Variants in PRKCA observed in about 807,000 individuals in gnomAD.
PRKCA encodes the protein protein kinase C alpha.
A neutral mutation model predicts 87.0 loss-of-function variants in PRKCA; 27 were observed. The ratio of observed to expected loss-of-function variants is 0.31; its 90% confidence interval spans 0.23 to 0.43. PRKCA has a LOEUF of 0.43. Ranked by LOEUF, PRKCA falls within the 20% of genes least tolerant of loss-of-function variation. The pLI is 1.00. For synonymous variants in PRKCA, 329 were observed against 311.1 expected (o/e 1.06, Z -0.61); for missense variants, 518 against 852.3 (o/e 0.61, Z 4.88).
chr17:66,327,439 G>A, intron 2 of PRKCA, among the ~76,000 whole-genome samples: 1 of 151,910 alleles, frequency 6.6e-6, no homozygotes, highest in South Asian at 2.1e-4. Context: ...GGGAGACTGA[G>A]GCACGAGAAT....
intron 13 of PRKCA, among the ~76,000 whole-genome samples, chr17:66,765,904 G>A (rs1033912077): frequency 4.6e-5 from 7 of 152,134 alleles, no homozygotes; most frequent in Admixed American, 1.3e-4. Context: ...AATTTGCAGC[G>A]GTGAGGTTGT....
chr17:66,372,778 C>T (rs1044587034), intron 2 of PRKCA, among the ~76,000 whole-genome samples: 3 of 152,168 alleles, frequency 2.0e-5, no homozygotes, highest in African/African-American at 7.2e-5. Context: ...GGCAACAGGC[C>T]AGGCGCAGTG....
chr17:66,571,630 C>T (rs1387197853), intron 3 of PRKCA, among the ~76,000 whole-genome samples: 3 of 151,982 alleles, frequency 2.0e-5, no homozygotes, highest in Admixed American at 1.3e-4. Flanking sequence ...AACAACCTTC[C>T]TCAATCAATG....
At chr17:66,785,503 C>T (rs532583717) in intron 14 of PRKCA, among the ~76,000 whole-genome samples, 109 of 152,160 alleles carry the variant, frequency 7.2e-4, no homozygotes, top group Non-Finnish European at 1.2e-3. Context: ...CTTGCTCTGC[C>T]TTTCTGACGC....
At chr17:66,768,521 C>G (rs1974860880) in intron 13 of PRKCA, among the ~76,000 whole-genome samples, 1 of 152,180 alleles carries the variant, frequency 6.6e-6, no homozygotes, top group African/African-American at 2.4e-5. Flanking sequence ...AAAGAACTAC[C>G]TGATACTGGG....
At chr17:66,732,859 T>G in intron 9 of PRKCA, 34 bp downstream of exon 9, 1 of 1,597,396 alleles carries the variant, frequency 6.3e-7, no homozygotes, top group Non-Finnish European at 8.5e-7. Context: ...TTGCAGGGGC[T>G]TCTGCAGAGA....
chr17:66,728,425 A>G (rs1973807729), intron 8 of PRKCA, among the ~76,000 whole-genome samples: 1 of 152,260 alleles, frequency 6.6e-6, no homozygotes, highest in South Asian at 2.1e-4. Flanking sequence ...CTGCCCAGGC[A>G]GAGCAGGAAG....
At position 66,307,981 on chromosome 17, in the gene PRKCA, A is replaced by G. The variant is rs113623698; in HGVS notation, c.205+1854A>G. On this transcript the variant is annotated intron_variant, in intron 2 of 16. Coordinates refer to ENST00000413366, the MANE Select transcript of PRKCA (RefSeq NM_002737.3). ...TTGCAACTTGCTCTTTTCACTCAGC[A>G]GTAGATGGTGGATATTCTTCCACAT... 3.4e-3 allele frequency among the ~76,000 whole-genome samples: 518 copies of G among 152,316 alleles called. 1 individual carries two copies. Among genetic ancestry groups the G allele is most frequent in the African/African-American group, 0.012 (496 of 41,568 alleles).
chr17:66,314,987 G>GTA (rs1387549145), intron 2 of PRKCA, among the ~76,000 whole-genome samples: 1 of 151,570 alleles, frequency 6.6e-6, no homozygotes, highest in African/African-American at 2.4e-5. Flanking sequence ...GTATGTATGT[G>GTA]TATATATATG....
chr17:66,731,775 CTTTTTTTTTTTTTT>C (rs796884841), intron 8 of PRKCA, among the ~76,000 whole-genome samples: 1 of 71,420 alleles, frequency 1.4e-5, no homozygotes, highest in Non-Finnish European at 2.6e-5. Flanking sequence ...TGCTCCCTTT[CTTTTTTTTTTTTTT>C]TTTTTTTTTT....
intron 13 of PRKCA, among the ~76,000 whole-genome samples, chr17:66,762,937 T>C (rs1000063383): frequency 6.6e-6 from 1 of 152,148 alleles, no homozygotes; most frequent in African/African-American, 2.4e-5. Flanking sequence ...ATCACAGGCA[T>C]GTGCCACCAC....
chr17:66,560,619 A>G (rs540305677), intron 3 of PRKCA, among the ~76,000 whole-genome samples: 2 of 152,280 alleles, frequency 1.3e-5, no homozygotes, highest in South Asian at 4.1e-4. Context: ...ATCACACTGA[A>G]TTGTTGAGTG....
At chr17:66,474,824 C>T (rs778801709) in intron 2 of PRKCA, among the ~76,000 whole-genome samples, 1 of 152,140 alleles carries the variant, frequency 6.6e-6, no homozygotes, top group Non-Finnish European at 1.5e-5. Flanking sequence ...TAACCTCGGT[C>T]GTGTAGAGTA....
At chr17:66,542,681 G>C (rs938991808) in intron 3 of PRKCA, among the ~76,000 whole-genome samples, 2 of 152,102 alleles carry the variant, frequency 1.3e-5, no homozygotes, top group Non-Finnish European at 2.9e-5. Flanking sequence ...AGGATATGAA[G>C]GTTGGAAAGA....
At chr17:66,697,773 C>T (rs1367691444) in intron 8 of PRKCA, among the ~76,000 whole-genome samples, 1 of 152,184 alleles carries the variant, frequency 6.6e-6, no homozygotes, top group African/African-American at 2.4e-5. Flanking sequence ...ACCTCATCTA[C>T]TGTTCCCAAA....
intron 3 of PRKCA, among the ~76,000 whole-genome samples, chr17:66,498,074 G>C (rs1916558017): frequency 6.6e-6 from 1 of 152,094 alleles, no homozygotes; most frequent in South Asian, 2.1e-4. Flanking sequence ...CATGAACGTT[G>C]AGTGACTTGC....
At chr17:66,762,905 C>T (rs1213203884) in intron 13 of PRKCA, among the ~76,000 whole-genome samples, 1 of 152,226 alleles carries the variant, frequency 6.6e-6, no homozygotes, top group Non-Finnish European at 1.5e-5. Context: ...ATTCTCCTGC[C>T]TCAGCCTCCC....
chr17:66,535,895 T>C (rs1261842774), intron 3 of PRKCA, among the ~76,000 whole-genome samples: 2 of 152,134 alleles, frequency 1.3e-5, no homozygotes, highest in African/African-American at 4.8e-5. Context: ...ACCTTTGAAA[T>C]AAAAGTGAAA....
At chr17:66,791,058 T>G (rs1276419314) in intron 16 of PRKCA, among the ~76,000 whole-genome samples, 3 of 152,022 alleles carry the variant, frequency 2.0e-5, no homozygotes, top group Non-Finnish European at 2.9e-5. Flanking sequence ...GCAGGTTTGT[T>G]ACATATGTAT....
Sources: gnomAD v4.1 joint callset for allele counts (sites outside exome capture counted in the v4.1 genomes callset) on GRCh38, gnomAD v4.1.1 for gene constraint, MANE v1.5 for transcripts, NCBI Gene and HGNC (gene_info 2026-07-23, HGNC 2026-07-21) for gene names.